The following DAB1 variants were observed in gnomAD, a reference collection of about 807,000 sequenced individuals.
DAB1 encodes the protein disabled homolog 1.
Under a neutral mutation model 64.6 loss-of-function variants are expected in DAB1, and 15 were observed. That is an observed-to-expected ratio of 0.23 (90% CI 0.16 to 0.36). The LOEUF is 0.36. Ranked by LOEUF, DAB1 falls within the 10% of genes least tolerant of loss-of-function variation. The probability of loss-of-function intolerance (pLI) is 1.00; values close to 1 mark genes in which losing one functional copy is unlikely to be tolerated. For missense variants in DAB1, 596 were observed against 706.7 expected (o/e 0.84, Z 1.78); for synonymous variants, 235 against 251.9 (o/e 0.93, Z 0.64).
At chr1:57,712,467 C>A (rs1056595056) in intron 6 of DAB1, among the ~76,000 whole-genome samples, 7 of 152,142 alleles carry the variant, frequency 4.6e-5, no homozygotes, top group Non-Finnish European at 7.4e-5. Flanking sequence ...AATTGTGTAG[C>A]AAATCACCTT....
intron 5 of DAB1, among the ~76,000 whole-genome samples, chr1:57,900,484 C>T (rs968336121): frequency 2.0e-5 from 3 of 152,198 alleles, no homozygotes; most frequent in Admixed American, 6.5e-5. Context: ...GGAGTTTGCA[C>T]GGCAGAGGCC....
chr1:57,552,161 T>G (rs1018180579), intron 7 of DAB1, among the ~76,000 whole-genome samples: 1 of 152,160 alleles, frequency 6.6e-6, no homozygotes, highest in African/African-American at 2.4e-5. Context: ...TTTCTCACAA[T>G]TGGGACACTC....
chr1:58,507,900 AC>A (rs1208771929), intron 2 of DAB1, among the ~76,000 whole-genome samples: 1 of 152,038 alleles, frequency 6.6e-6, no homozygotes, highest in East Asian at 1.9e-4. Context: ...CAAACAAAAA[AC>A]CCCTCTGAAA....
At chr1:57,389,966 T>C (rs1008371276) in intron 1 of DAB1, among the ~76,000 whole-genome samples, 1 of 152,234 alleles carries the variant, frequency 6.6e-6, no homozygotes, top group African/African-American at 2.4e-5. Context: ...AGTAATTTGC[T>C]CAAAGCCATA....
chr1:58,251,960 C>T (rs1337294319), intron 4 of DAB1, among the ~76,000 whole-genome samples: 3 of 152,050 alleles, frequency 2.0e-5, no homozygotes, highest in Non-Finnish European at 4.4e-5. Flanking sequence ...CCTGTAGTTC[C>T]GCTAGGAAAA....
At chr1:58,265,265 C>A (rs1478122138) in intron 4 of DAB1, among the ~76,000 whole-genome samples, 1 of 152,228 alleles carries the variant, frequency 6.6e-6, no homozygotes, top group African/African-American at 2.4e-5. Flanking sequence ...AAACTGCAGA[C>A]CACAGATTCA....
At chr1:58,064,023 C>A (rs1028679183) in intron 5 of DAB1, among the ~76,000 whole-genome samples, 1 of 152,130 alleles carries the variant, frequency 6.6e-6, no homozygotes, top group African/African-American at 2.4e-5. Flanking sequence ...AATAGACTTA[C>A]AATAAGCCAA....
chr1:58,449,842 T>C (rs1489424812), intron 3 of DAB1, among the ~76,000 whole-genome samples: 1 of 152,212 alleles, frequency 6.6e-6, no homozygotes, highest in Admixed American at 6.5e-5. Context: ...TAATAATTCA[T>C]CTGTTTTCTT....
chr1:58,196,059 CA>C (rs1156515383), intron 4 of DAB1, among the ~76,000 whole-genome samples: 4 of 152,164 alleles, frequency 2.6e-5, no homozygotes. Context: ...AAAGTAAAGG[CA>C]TGAGTGGTTA....
At chr1:58,485,228 T>TAAAAAAAAAAAAAAAAAAAAAA (rs71043289) in intron 3 of DAB1, among the ~76,000 whole-genome samples, 3 of 42,036 alleles carry the variant, frequency 7.1e-5, no homozygotes, top group Non-Finnish European at 8.3e-5. Flanking sequence ...AGTCTACTAC[T>TAAAAAAAAAAAAAAAAAAAAAA]AAAAAAAAAA....
chr1:57,946,377 C>T (rs1305610129), intron 5 of DAB1, among the ~76,000 whole-genome samples: 1 of 152,210 alleles, frequency 6.6e-6, no homozygotes. Flanking sequence ...AAACCCCTGA[C>T]TGCTTGTTAT....
intron 2 of DAB1, among the ~76,000 whole-genome samples, chr1:57,163,626 A>G (rs1478343848): frequency 3.3e-5 from 5 of 152,028 alleles, no homozygotes; most frequent in Admixed American, 2.6e-4. Context: ...GATTTTTCTG[A>G]ATGCTCTGTG....
chr1:57,298,477 A>G lies in DAB1; in HGVS notation c.-136-7311T>C, dbSNP rs185106354. ...TAGCTTTAAAACTTTGAAGCTCACA[A>G]AACTGATAGATTGACAGCCTTGGTA... On this transcript the variant is annotated intron_variant, in intron 1 of 14. Coordinates refer to ENST00000371236, the MANE Select transcript of DAB1 (RefSeq NM_001365792.1). 2.4e-3 allele frequency among the ~76,000 whole-genome samples: 367 copies of G among 152,326 alleles called. 2 individuals are homozygous for G. Among genetic ancestry groups the G allele is most frequent in the Middle Eastern group, 6.8e-3 (2 of 294 alleles).
chr1:57,435,385 T>C (rs1300737173), intron 7 of DAB1, among the ~76,000 whole-genome samples: 2 of 152,172 alleles, frequency 1.3e-5, no homozygotes, highest in African/African-American at 4.8e-5. Flanking sequence ...TAATTTAGCT[T>C]ACTGTAATAA....
At chr1:57,113,525 C>T (rs887671664) in intron 4 of DAB1, among the ~76,000 whole-genome samples, 3 of 152,120 alleles carry the variant, frequency 2.0e-5, no homozygotes, top group Non-Finnish European at 2.9e-5. Context: ...TCAATGCTGC[C>T]TTTATAGTGC....
At chr1:57,115,336 G>C (rs576204909) in intron 4 of DAB1, among the ~76,000 whole-genome samples, 97 of 152,150 alleles carry the variant, frequency 6.4e-4, no homozygotes, top group Non-Finnish European at 1.1e-3. Flanking sequence ...ATGTTCTGGG[G>C]ATTATAAAGT....
At chr1:57,217,118 GA>G (rs1666484191) in intron 2 of DAB1, among the ~76,000 whole-genome samples, 2 of 152,150 alleles carry the variant, frequency 1.3e-5, no homozygotes. Context: ...CACAGATAAC[GA>G]TATTGAAAGA....
At chr1:58,318,926 C>A (rs990430980) in intron 4 of DAB1, among the ~76,000 whole-genome samples, 4 of 152,138 alleles carry the variant, frequency 2.6e-5, no homozygotes, top group Non-Finnish European at 4.4e-5. Context: ...AACATTGGTT[C>A]TAGAAGGACA....
chr1:57,043,419 A>G (rs996513119), intron 9 of DAB1, among the ~76,000 whole-genome samples: 2 of 152,166 alleles, frequency 1.3e-5, no homozygotes, highest in African/African-American at 2.4e-5. Flanking sequence ...TGCTGATTCT[A>G]TCCCTGAACA....
Sources: gnomAD v4.1 joint callset for allele counts (sites outside exome capture counted in the v4.1 genomes callset) on GRCh38, gnomAD v4.1.1 for gene constraint, MANE v1.5 for transcripts, NCBI Gene and HGNC (gene_info 2026-07-23, HGNC 2026-07-21) for gene names.